Variants in ZIM2 observed in about 807,000 individuals in gnomAD.
ZIM2 encodes the protein zinc finger imprinted 2.
Under a neutral mutation model 38.6 loss-of-function variants are expected in ZIM2, and 14 were observed. The observed-to-expected ratio is 0.36, with a 90% CI of 0.24 to 0.57. The LOEUF (loss-of-function observed/expected upper bound fraction) is 0.57, where lower values mean the gene tolerates loss of function less well. Among genes scored for constraint, ZIM2 ranks in the 20% least tolerant of loss-of-function variants. The pLI, the probability that ZIM2 is intolerant of heterozygous loss-of-function variation, is 0.81. For missense variants in ZIM2, 680 were observed against 695.1 expected (o/e 0.98, Z 0.24); for synonymous variants, 247 against 245.8 (o/e 1.00, Z -0.04).
At chr19:56,804,216 C>T (rs1325007235) in intron 9 of ZIM2, among the ~76,000 whole-genome samples, 7 of 152,182 alleles carry the variant, frequency 4.6e-5, no homozygotes, top group Admixed American at 4.6e-4. Flanking sequence ...TAGTTATGCC[C>T]AGAGGCCTGG....
chr19:56,794,244 A>T (rs2047081014), intron 9 of ZIM2, among the ~76,000 whole-genome samples: 1 of 152,158 alleles, frequency 6.6e-6, no homozygotes, highest in African/African-American at 2.4e-5. Context: ...TTTATAGGTG[A>T]TTTTGTACTT....
intron 9 of ZIM2, among the ~76,000 whole-genome samples, chr19:56,791,592 A>G (rs2046932228): frequency 6.6e-6 from 1 of 152,206 alleles, no homozygotes; most frequent in South Asian, 2.1e-4. Context: ...ACCCAAAAGT[A>G]TAACATTCCC....
chr19:56,830,261 A>G (rs1177769876), intron 2 of ZIM2, among the ~76,000 whole-genome samples: 1 of 152,262 alleles, frequency 6.6e-6, no homozygotes, highest in African/African-American at 2.4e-5. Flanking sequence ...AACAAAGTCC[A>G]AATAATAGCC....
chr19:56,815,369 C>T (rs987908795), intron 9 of ZIM2: 1 of 1,614,188 alleles, frequency 6.2e-7, no homozygotes, highest in Non-Finnish European at 8.5e-7. Context: ...TGCTCTTTAG[C>T]ATACTGCTCT....
intron 7 of ZIM2, among the ~76,000 whole-genome samples, chr19:56,819,187 A>T (rs1240755306): frequency 2.0e-5 from 3 of 152,154 alleles, no homozygotes; most frequent in Admixed American, 1.3e-4. Flanking sequence ...GTACTCAGGG[A>T]ACAGAAAGAA....
intron 9 of ZIM2, among the ~76,000 whole-genome samples, chr19:56,802,597 T>C (rs973994971): frequency 1.3e-5 from 2 of 152,224 alleles, no homozygotes; most frequent in African/African-American, 2.4e-5. Context: ...TGGTCCACTC[T>C]GCCTCCAAGT....
At chr19:56,795,771 G>A (rs2047185201) in intron 9 of ZIM2, among the ~76,000 whole-genome samples, 1 of 152,184 alleles carries the variant, frequency 6.6e-6, no homozygotes, top group African/African-American at 2.4e-5. Context: ...AACCTGGGAG[G>A]CAGAGGTTAC....
chr19:56,804,144 GAGGGCTCCTCAGCTGGTCCAGTTCCA>G (rs1199255017), intron 9 of ZIM2, among the ~76,000 whole-genome samples: 1 of 152,252 alleles, frequency 6.6e-6, no homozygotes, highest in Non-Finnish European at 1.5e-5. Context: ...GGAACTCAGA[GAGGGCTCCTCAGCTGGTCCAGTTCCA>G]AGGTAGATGT....
chr19:56,796,945 C>G (rs2047261412), intron 9 of ZIM2, among the ~76,000 whole-genome samples: 1 of 152,132 alleles, frequency 6.6e-6, no homozygotes, highest in Non-Finnish European at 1.5e-5. Context: ...AAAGACTAAA[C>G]TAAGCTGTGA....
At chr19:56,805,378 A>T (rs2047708107) in intron 9 of ZIM2, among the ~76,000 whole-genome samples, 1 of 152,224 alleles carries the variant, frequency 6.6e-6, no homozygotes, top group African/African-American at 2.4e-5. Flanking sequence ...AGGCTGGGCC[A>T]ATAAGAGTCC....
At chr19:56,837,045 C>T (rs1290115588) in intron 1 of ZIM2, among the ~76,000 whole-genome samples, 1 of 151,264 alleles carries the variant, frequency 6.6e-6, no homozygotes, top group East Asian at 1.9e-4. Flanking sequence ...TGTCACTTTC[C>T]CTACCTCAAA....
chr19:56,836,969 CAAAAAAAAAA>C (rs573566620), intron 1 of ZIM2, among the ~76,000 whole-genome samples: 7 of 116,988 alleles, frequency 6.0e-5, no homozygotes, highest in African/African-American at 1.8e-4. Flanking sequence ...GACTCTGTCT[CAAAAAAAAAA>C]AAAAAAAAAA....
At chr19:56,784,014 T>C (rs1048978805) in intron 10 of ZIM2, among the ~76,000 whole-genome samples, 1 of 152,210 alleles carries the variant, frequency 6.6e-6, no homozygotes, top group African/African-American at 2.4e-5. Flanking sequence ...TGACAAAAAT[T>C]GAAAATTAAA....
At chr19:56,818,545 T>C (rs1237179597) in intron 8 of ZIM2, 55 bp downstream of exon 8, 6 of 1,593,122 alleles carry the variant, frequency 3.8e-6, no homozygotes, top group Non-Finnish European at 2.6e-6. Context: ...AGGAGCAAGA[T>C]GACAAAATGC....
intron 2 of ZIM2, among the ~76,000 whole-genome samples, chr19:56,832,334 C>T (rs1348679204): frequency 1.3e-5 from 2 of 152,152 alleles, no homozygotes; most frequent in African/African-American, 4.8e-5. Flanking sequence ...ACCGACAGTA[C>T]CCTGTGGTCA....
At chr19:56,780,245 CTT>C (rs66492427) in intron 11 of ZIM2, among the ~76,000 whole-genome samples, 2,036 of 129,318 alleles carry the variant, frequency 0.016, 29 homozygotes, top group African/African-American at 0.053. Flanking sequence ...TTTCTTTTTT[CTT>C]TTTTTTTTTT....
chr19:56,818,849 G>C, intron 7 of ZIM2, 147 bp from the exon 8 acceptor site: 2 of 894,428 alleles, frequency 2.2e-6, no homozygotes, highest in Non-Finnish European at 3.5e-6. Flanking sequence ...CAAGTCAAGT[G>C]TTACTAGGGA....
chr19:56,815,607 C>T (rs964677487), intron 9 of ZIM2: 3 of 1,614,018 alleles, frequency 1.9e-6, no homozygotes, highest in Non-Finnish European at 8.5e-7. Context: ...TCTCATTGCT[C>T]CTATGCTCAA....
chr19:56,817,287 C>T (rs1354200481), intron 9 of ZIM2: 7 of 1,614,198 alleles, frequency 4.3e-6, no homozygotes, highest in Non-Finnish European at 5.9e-6. Flanking sequence ...CAAGAACTCT[C>T]TTTCTGGAAA....
Sources: allele counts gnomAD v4.1 joint callset (sites outside exome capture counted in the v4.1 genomes callset), GRCh38; gene constraint gnomAD v4.1.1; transcripts MANE v1.5; gene names NCBI Gene and HGNC (gene_info 2026-07-23, HGNC 2026-07-21).